Variants in HDAC9 observed in about 807,000 individuals in gnomAD.
The protein encoded by HDAC9 is MEF-2 interacting transcription repressor (MITR) protein.
Under a neutral mutation model 139.4 loss-of-function variants are expected in HDAC9, and 41 were observed. The ratio of observed to expected loss-of-function variants is 0.29; its 90% confidence interval spans 0.23 to 0.38. The LOEUF (loss-of-function observed/expected upper bound fraction) is 0.38, where lower values mean the gene tolerates loss of function less well. HDAC9 is among the 10% of genes least tolerant of loss of function. HDAC9 has a pLI of 1.00. For synonymous variants in HDAC9, 517 were observed against 476.2 expected (o/e 1.09, Z -1.12); for missense variants, 1,147 against 1,297.0 (o/e 0.88, Z 1.78).
At chr7:18,216,945 G>A (rs878978480) in intron 2 of HDAC9, among the ~76,000 whole-genome samples, 3 of 152,008 alleles carry the variant, frequency 2.0e-5, no homozygotes, top group Admixed American at 1.3e-4. Context: ...TTGAGGAAGG[G>A]ACTTTTTTTT....
intron 21 of HDAC9, among the ~76,000 whole-genome samples, chr7:18,852,704 G>A (rs1336922483): frequency 6.6e-6 from 1 of 152,150 alleles, no homozygotes; most frequent in Non-Finnish European, 1.5e-5. Context: ...ATGCTGGGTA[G>A]TGAAGAGAAA....
intron 21 of HDAC9, among the ~76,000 whole-genome samples, chr7:18,846,736 T>C (rs529157030): frequency 5.9e-5 from 9 of 152,164 alleles, no homozygotes; most frequent in Non-Finnish European, 1.0e-4. Context: ...CTTGAAAATA[T>C]TTAATCACTA....
intron 22 of HDAC9, among the ~76,000 whole-genome samples, chr7:18,916,318 T>G (rs1468224101): frequency 6.6e-6 from 1 of 152,032 alleles, no homozygotes; most frequent in African/African-American, 2.4e-5. Context: ...TAATGTAGAA[T>G]CATAAATGCA....
chr7:18,660,013 G>T (rs922146564), intron 11 of HDAC9, among the ~76,000 whole-genome samples: 22 of 152,164 alleles, frequency 1.4e-4, no homozygotes, highest in African/African-American at 5.3e-4. Context: ...CAGCTTTGCA[G>T]TGGTCATATT....
intron 13 of HDAC9, among the ~76,000 whole-genome samples, chr7:18,736,862 A>G (rs1245818634): frequency 6.6e-6 from 1 of 152,030 alleles, no homozygotes; most frequent in Admixed American, 6.6e-5. Context: ...TCCATCTGGT[A>G]TTGGACTTTT....
intron 1 of HDAC9, among the ~76,000 whole-genome samples, chr7:18,407,153 A>G (rs369453628): frequency 4.6e-5 from 7 of 152,130 alleles, no homozygotes; most frequent in African/African-American, 1.7e-4. Flanking sequence ...CTTTCACTCC[A>G]GATCTTATTT....
chr7:18,186,526 C>G (rs1187355289), intron 2 of HDAC9, among the ~76,000 whole-genome samples: 1 of 152,198 alleles, frequency 6.6e-6, no homozygotes, highest in Admixed American at 6.5e-5. Context: ...ACTACCAAAT[C>G]TTAGGGAAAA....
At chr7:18,756,257 G>A (rs575433203) in intron 14 of HDAC9, among the ~76,000 whole-genome samples, 152 of 152,268 alleles carry the variant, frequency 1.0e-3, no homozygotes, top group African/African-American at 3.5e-3. Flanking sequence ...AATATTTGGA[G>A]ATGGGAAAGT....
chr7:18,349,019 C>G (rs900787478), intron 1 of HDAC9, among the ~76,000 whole-genome samples: 2 of 152,140 alleles, frequency 1.3e-5, no homozygotes, highest in Non-Finnish European at 2.9e-5. Context: ...AGCCCAAGTT[C>G]TGTCCACTAT....
Position 18,998,218 on chromosome 7 carries a change from C to T in HDAC9, c.*2156C>T, listed in dbSNP as rs1786572582. The T allele has an allele frequency of 9.6e-6, 1 of 104,392 alleles. No homozygotes were observed. Among genetic ancestry groups the T allele is most frequent in the South Asian group, 3.7e-4 (1 of 2,680 alleles). 6.5% of individuals were successfully genotyped at this position (104,392 alleles called of 1,614,324 possible). ...TAAATCTCTGTCATTACTTTTTAGT[C>T]CTCCCAGATATTTTTTTAGTTGTTG... is the stretch of plus-strand genomic sequence containing the variant. On this transcript the variant is annotated 3_prime_UTR_variant, in exon 26 of 26. Transcript: ENST00000686413.
intron 22 of HDAC9, among the ~76,000 whole-genome samples, chr7:18,895,014 G>A (rs1028778066): frequency 6.6e-6 from 1 of 152,038 alleles, no homozygotes; most frequent in African/African-American, 2.4e-5. Context: ...CTGAGAATTC[G>A]AATGGGCAAG....
At chr7:18,484,672 A>G (rs1795836891) in intron 1 of HDAC9, among the ~76,000 whole-genome samples, 1 of 152,160 alleles carries the variant, frequency 6.6e-6, no homozygotes. Context: ...TGAAGTCAAC[A>G]CATAATTATT....
At chr7:18,815,747 A>G (rs535547282) in intron 17 of HDAC9, among the ~76,000 whole-genome samples, 4 of 152,330 alleles carry the variant, frequency 2.6e-5, no homozygotes, top group South Asian at 4.1e-4. Flanking sequence ...CCATCCAGTT[A>G]CATTTCTAAT....
At chr7:18,339,386 A>G (rs1326606230) in intron 1 of HDAC9, among the ~76,000 whole-genome samples, 1 of 151,342 alleles carries the variant, frequency 6.6e-6, no homozygotes, top group African/African-American at 2.4e-5. Context: ...CTTCTTTTCT[A>G]CTATAGGCAC....
At chr7:18,646,630 G>T (rs1787519147) in intron 9 of HDAC9, among the ~76,000 whole-genome samples, 1 of 152,098 alleles carries the variant, frequency 6.6e-6, no homozygotes, top group South Asian at 2.1e-4. Flanking sequence ...TTGTCCTTCA[G>T]TTTCTCCATT....
intron 25 of HDAC9, among the ~76,000 whole-genome samples, 166 bp downstream of exon 25, chr7:18,976,119 T>G (rs558220571): frequency 6.6e-6 from 1 of 152,336 alleles, no homozygotes; most frequent in East Asian, 1.9e-4. Context: ...CTATCGAGAA[T>G]TCATTGCTTC....
chr7:18,539,958 G>A (rs1213987891), intron 2 of HDAC9, among the ~76,000 whole-genome samples: 1 of 151,680 alleles, frequency 6.6e-6, no homozygotes, highest in Non-Finnish European at 1.5e-5. Context: ...AGTAAATAAG[G>A]CAAAAGGGGA....
chr7:18,318,560 G>A lies in HDAC9; in HGVS notation c.-42+28045G>A, dbSNP rs1424845999. On this transcript the variant is annotated intron_variant, in intron 1 of 3. Transcript: ENST00000413509. ...GGAAAAAGAAGTAAAGTGGAGTGGG[G>A]CCTCAGCATCTGGATTTTTAAACTG... 2.0e-5 allele frequency among the ~76,000 whole-genome samples: 3 copies of A among 152,286 alleles called. No homozygotes were observed. The East Asian group carries it at 5.8e-4, about 29-fold the overall frequency.
At chr7:18,647,376 A>T (rs758702711) in intron 9 of HDAC9, among the ~76,000 whole-genome samples, 5 of 152,106 alleles carry the variant, frequency 3.3e-5, no homozygotes, top group African/African-American at 4.8e-5. Context: ...ATTGTCTCAC[A>T]TACTTATTTT....
Sources: allele counts gnomAD v4.1 joint callset (sites outside exome capture counted in the v4.1 genomes callset), GRCh38; gene constraint gnomAD v4.1.1; transcripts MANE v1.5; gene names NCBI Gene and HGNC (gene_info 2026-07-23, HGNC 2026-07-21).